Variants in DERA observed in about 807,000 individuals in gnomAD.
DERA encodes 2-deoxy-D-ribose 5-phosphate aldolase.
In DERA, 15 loss-of-function variants were observed where a neutral mutation model predicts 41.1. That is an observed-to-expected ratio of 0.37 (90% CI 0.24 to 0.56). DERA has a LOEUF of 0.56. Among genes scored for constraint, DERA ranks in the 20% least tolerant of loss-of-function variants. DERA has a pLI of 0.81. For synonymous variants in DERA, 139 were observed against 137.4 expected, an observed-to-expected ratio of 1.01 and a Z score of -0.08; for missense variants, 396 against 403.4, an observed-to-expected ratio of 0.98 and a Z score of 0.16.
Position 15,911,437 on chromosome 12 carries a change from C to T in DERA, c.31+23C>T. 7.1e-7 allele frequency: 1 copy of T among 1,411,148 alleles called. No individual in the cohort carries two copies. The highest frequency in any genetic ancestry group is 1.5e-5 in the African/African-American group (1 of 66,826). The allele number at this position is 1,411,148 out of a possible 1,614,324, so 87.4% of individuals were successfully genotyped here. A position where few individuals can be genotyped will look rare whatever the true frequency, so the allele number is the denominator to read the frequency against. Reference sequence around the variant, plus strand: ...TCGGTAAGGGGCCCGCGGGGCTCCCCATCCCCTCTCCCTCGCGTTCAGCGC... The same window carrying T: ...TCGGTAAGGGGCCCGCGGGGCTCCCTATCCCCTCTCCCTCGCGTTCAGCGC... On this transcript the variant is annotated intron_variant, in intron 1 of 8. Coordinates refer to ENST00000428559, the MANE Select transcript of DERA (RefSeq NM_015954.4). The surrounding 1 kb of genome is among the most constrained non-coding windows in gnomAD (Gnocchi z 4.5).
chr12:15,971,207 C>T (rs904055722), intron 5 of DERA, among the ~76,000 whole-genome samples: 1 of 152,146 alleles, frequency 6.6e-6, no homozygotes, highest in Non-Finnish European at 1.5e-5. Flanking sequence ...TGGCATCTGC[C>T]GTTGTTTTTC....
intron 6 of DERA, among the ~76,000 whole-genome samples, chr12:16,023,375 A>G (rs929617348): frequency 2.6e-5 from 4 of 152,020 alleles, no homozygotes; most frequent in African/African-American, 7.2e-5. Flanking sequence ...CCTTACACCA[A>G]AGGCCCATTT....
chr12:15,912,951 G>A (rs1184105048), intron 1 of DERA, among the ~76,000 whole-genome samples: 2 of 152,282 alleles, frequency 1.3e-5, no homozygotes, highest in East Asian at 3.9e-4. Context: ...CTGGAACGTG[G>A]TCTTTAGTAA....
chr12:15,975,691 G>T (rs1234432802), intron 5 of DERA, among the ~76,000 whole-genome samples: 1 of 152,402 alleles, frequency 6.6e-6, no homozygotes, highest in East Asian at 1.9e-4. Flanking sequence ...GGTGGAGTCA[G>T]TTAAGTTAGA....
At position 16,013,556 on chromosome 12, in the gene DERA, T is replaced by C. The variant is rs1948960863; in HGVS notation, c.638-18986T>C. 6.6e-6 allele frequency among the ~76,000 whole-genome samples: 1 copy of C among 152,212 alleles called. No individual in the cohort carries two copies. Among genetic ancestry groups the C allele is most frequent in the Non-Finnish European group, 1.5e-5 (1 of 68,038 alleles). On this transcript the variant is annotated intron_variant, in intron 6 of 8. Transcript: ENST00000428559. The surrounding 1 kb of genome is among the most constrained non-coding windows in gnomAD (Gnocchi z 5.8). ...AGGCCTCCCCAGCCATGCTGAACTG[T>C]GAGTCAGTTAAACTTCTTTCCTTTA...
intron 5 of DERA, among the ~76,000 whole-genome samples, chr12:15,974,881 G>T (rs993068704): frequency 2.0e-5 from 3 of 151,920 alleles, no homozygotes; most frequent in African/African-American, 7.3e-5. Context: ...TCCTTCCCTC[G>T]CTCCCTTCCT....
chr12:15,978,477 T>C, intron 5 of DERA, among the ~76,000 whole-genome samples: 2 of 152,322 alleles, frequency 1.3e-5, no homozygotes, highest in Middle Eastern at 3.4e-3. Context: ...TAGCAACATA[T>C]ATTATTTAAT....
rs907113834 is a variant in DERA, at chr12:15,936,978, G to T, written c.32-19958G>T. Among the ~76,000 whole-genome samples, 10 of 150,978 alleles carry T rather than the reference G, an allele frequency of 6.6e-5. No homozygotes were observed. Among genetic ancestry groups the T allele is most frequent in the African/African-American group, 2.5e-4 (10 of 40,784 alleles). ...GTCCTGCCCTGCCCTGCCCTGTCTT[G>T]TCTTTCTTTTTTGAGATAGTATCTT... is the stretch of plus-strand genomic sequence containing the variant. On this transcript the variant is annotated intron_variant, in intron 1 of 8. Coordinates refer to ENST00000428559, the MANE Select transcript of DERA (RefSeq NM_015954.4). This position sits in a 1 kb window ranked among gnomAD's most constrained non-coding sequence, Gnocchi z 4.6.
In DERA at chr12:16,009,679, A is replaced by G. The variant is rs1948934998; in HGVS notation, c.638-22863A>G. On this transcript the variant is annotated intron_variant, in intron 6 of 8. Coordinates refer to ENST00000428559, the MANE Select transcript of DERA (RefSeq NM_015954.4). This position sits in a 1 kb window ranked among gnomAD's most constrained non-coding sequence, Gnocchi z 5.3. ...AAGGTTTTATATTTTTAAGTTATCC[A>G]TGTATTCATTTTGGATTTTGACATT... is the stretch of plus-strand genomic sequence containing the variant. Among the ~76,000 whole-genome samples, 1 of 152,164 alleles carries G rather than the reference A, an allele frequency of 6.6e-6. No individual in the cohort carries two copies. The highest frequency in any genetic ancestry group is 1.5e-5 in the Non-Finnish European group (1 of 68,030).
chr12:15,940,761 A>G lies in DERA; in HGVS notation c.32-16175A>G, dbSNP rs1000731088. ...TGCTTCAGAGTTTTCTGGTAACTGTATCTTCTGAATATGTGTTAAATTGCC... is the reference window on the plus strand; with the variant it reads ...TGCTTCAGAGTTTTCTGGTAACTGTGTCTTCTGAATATGTGTTAAATTGCC... On this transcript the variant is annotated intron_variant, in intron 1 of 8. Coordinates refer to ENST00000428559, the MANE Select transcript of DERA (RefSeq NM_015954.4). The surrounding 1 kb of genome is among the most constrained non-coding windows in gnomAD (Gnocchi z 5.1). Among the ~76,000 whole-genome samples, 6 of 152,208 alleles carry G rather than the reference A, an allele frequency of 3.9e-5. No homozygotes were observed. The highest frequency in any genetic ancestry group is 9.6e-5 in the African/African-American group (4 of 41,454).
In DERA at chr12:15,940,063, C is replaced by T. The variant is rs141044927; in HGVS notation, c.32-16873C>T. Among the ~76,000 whole-genome samples the T allele has an allele frequency of 3.7e-3, 562 of 152,282 alleles. 9 individuals are homozygous for T. Among genetic ancestry groups the T allele is most frequent in the African/African-American group, 0.013 (526 of 41,562 alleles). On this transcript the variant is annotated intron_variant, in intron 1 of 8. Coordinates refer to ENST00000428559, the MANE Select transcript of DERA (RefSeq NM_015954.4). The surrounding 1 kb of genome is among the most constrained non-coding windows in gnomAD (Gnocchi z 5.1). ...ACATATTTTTACCATGATACTACAA[C>T]AAAATTTGTATCCATGTTGTCACTG...
At chr12:16,007,849 G>A (rs945941040) in intron 6 of DERA, among the ~76,000 whole-genome samples, 1 of 151,796 alleles carries the variant, frequency 6.6e-6, no homozygotes, top group African/African-American at 2.4e-5. Flanking sequence ...TTTGTGTTTT[G>A]TTTTGTTTTG....
intron 6 of DERA, among the ~76,000 whole-genome samples, chr12:16,015,529 C>G (rs2136181604): frequency 6.6e-6 from 1 of 152,328 alleles, no homozygotes; most frequent in South Asian, 2.1e-4. Flanking sequence ...CCCAGCCATG[C>G]TGAACTGTGA....
rs1948794915 is a variant in DERA at position 15,990,551 on chromosome 12, AT to A, written c.637+8116del. On this transcript the variant is annotated intron_variant, in intron 6 of 8. Coordinates refer to ENST00000428559, the MANE Select transcript of DERA (RefSeq NM_015954.4). The surrounding 1 kb of genome is among the most constrained non-coding windows in gnomAD (Gnocchi z 4.3). ...TTGTACAGATTATTTCCTTACCCAG[AT>A]GTTAATCTGAGTATCCATTTGTCGT... 6.6e-6 allele frequency among the ~76,000 whole-genome samples: 1 copy of A among 152,024 alleles called. No homozygotes were observed. Among genetic ancestry groups the A allele is most frequent in the African/African-American group, 2.4e-5 (1 of 41,354 alleles).
chr12:15,969,713 A>G (rs1350720851), intron 5 of DERA, among the ~76,000 whole-genome samples: 1 of 152,228 alleles, frequency 6.6e-6, no homozygotes, highest in Non-Finnish European at 1.5e-5. Flanking sequence ...ACCTTGAATC[A>G]GGGCAATAAT....
intron 5 of DERA, among the ~76,000 whole-genome samples, chr12:15,971,563 C>A (rs1046422710): frequency 6.0e-5 from 8 of 132,692 alleles, no homozygotes; most frequent in Non-Finnish European, 9.1e-5. Flanking sequence ...GTTGCCCAGG[C>A]TGGAGTGCAA....
At chr12:15,991,592 CAAAT>C (rs1053007599) in intron 6 of DERA, among the ~76,000 whole-genome samples, 5 of 152,038 alleles carry the variant, frequency 3.3e-5, no homozygotes, top group Non-Finnish European at 7.4e-5. Context: ...GAACCAGAAA[CAAAT>C]AAAAGCATTT....
rs866382015 is a variant in DERA at position 16,010,863 on chromosome 12, C to T, written c.638-21679C>T. ...ACAACTTCTTTTATGAAAGACAGGT[C>T]ACTGTAAAAAGAAACTCTACCCACT... On this transcript the variant is annotated intron_variant, in intron 6 of 8. Transcript: ENST00000428559. The surrounding 1 kb of genome is among the most constrained non-coding windows in gnomAD (Gnocchi z 5.5). 2.6e-5 allele frequency among the ~76,000 whole-genome samples: 4 copies of T among 151,832 alleles called. No individual in the cohort carries two copies. The highest frequency in any genetic ancestry group is 3.4e-3 in the Middle Eastern group (1 of 292).
chr12:16,022,214 G>A (rs1240533113), intron 6 of DERA, among the ~76,000 whole-genome samples: 1 of 152,118 alleles, frequency 6.6e-6, no homozygotes, highest in Admixed American at 6.5e-5. Flanking sequence ...CACAAGATCT[G>A]GTTGTTTAAA....
Sources: allele counts gnomAD v4.1 joint callset (sites outside exome capture counted in the v4.1 genomes callset), GRCh38; gene constraint gnomAD v4.1.1; non-coding constraint Gnocchi (gnomAD v3.1); transcripts MANE v1.5; gene names NCBI Gene and HGNC (gene_info 2026-07-23, HGNC 2026-07-21).